PIP4P2: variants seen among roughly 807,000 people sequenced by gnomAD.
PIP4P2 encodes phosphatidylinositol-4,5-bisphosphate 4-phosphatase 2.
In PIP4P2, 19 loss-of-function variants were observed where a neutral mutation model predicts 33.3. The ratio of observed to expected loss-of-function variants is 0.57; its 90% CI spans 0.40 to 0.84. The LOEUF (loss-of-function observed/expected upper bound fraction) is 0.84, where lower values mean the gene tolerates loss of function less well. PIP4P2 is among the 40% of genes least tolerant of loss of function. The probability of loss-of-function intolerance (pLI) is 0.00; values close to 1 mark genes in which losing one functional copy is unlikely to be tolerated. For synonymous variants in PIP4P2, 110 were observed against 111.9 expected (o/e 0.98, Z 0.11); for missense variants, 270 against 324.7 (o/e 0.83, Z 1.29).
intron 4 of PIP4P2, among the ~76,000 whole-genome samples, chr8:91,009,521 T>C (rs889486280): frequency 2.0e-5 from 3 of 152,044 alleles, no homozygotes; most frequent in African/African-American, 4.8e-5. Context: ...TGCTTTTCTA[T>C]ATACTTCCTT....
chr8:91,036,768 C>A (rs1423838270), intron 1 of PIP4P2, among the ~76,000 whole-genome samples: 1 of 152,150 alleles, frequency 6.6e-6, no homozygotes, highest in African/African-American at 2.4e-5. Context: ...CCAACAATAT[C>A]CTGGATGGGC....
At position 90,995,641 on chromosome 8, in the gene PIP4P2, G is replaced by C. The variant is rs1417412804; in HGVS notation, c.*36C>G. The C allele has an allele frequency of 6.3e-7, 1 of 1,591,720 alleles. No homozygotes were observed. Among genetic ancestry groups the C allele is most frequent in the South Asian group, 1.2e-5 (1 of 86,688 alleles). On this transcript the variant is annotated 3_prime_UTR_variant, in exon 7 of 7. Coordinates refer to ENST00000285419, the MANE Select transcript of PIP4P2 (RefSeq NM_018710.3). ...CAGAGTAGCTTACCAAGAACTGCTAGACACTCTCACCTGCATTACTGAATC... is the reference window on the plus strand; with the variant it reads ...CAGAGTAGCTTACCAAGAACTGCTACACACTCTCACCTGCATTACTGAATC...
chr8:91,029,856 A>G (rs902023473), intron 1 of PIP4P2, among the ~76,000 whole-genome samples: 4 of 152,008 alleles, frequency 2.6e-5, no homozygotes, highest in African/African-American at 9.7e-5. Context: ...AGTTCCAGCT[A>G]CTCGGGAGGC....
At chr8:90,997,642 C>T (rs1234572876) in intron 5 of PIP4P2, among the ~76,000 whole-genome samples, 1 of 152,044 alleles carries the variant, frequency 6.6e-6, no homozygotes, top group Non-Finnish European at 1.5e-5. Flanking sequence ...GCACTTTCTT[C>T]TCTGTCTTAA....
chr8:91,023,757 C>T (rs1381494694), intron 1 of PIP4P2, among the ~76,000 whole-genome samples: 2 of 152,008 alleles, frequency 1.3e-5, no homozygotes, highest in African/African-American at 2.4e-5. Flanking sequence ...TGTCATAATG[C>T]CTGGTCTATG....
intron 5 of PIP4P2, among the ~76,000 whole-genome samples, chr8:90,998,928 C>A (rs1338163401): frequency 2.0e-5 from 3 of 151,966 alleles, no homozygotes; most frequent in African/African-American, 7.2e-5. Flanking sequence ...CAAATGATAT[C>A]TAATTAAACT....
At chr8:91,027,203 T>C (rs370951237) in intron 1 of PIP4P2, among the ~76,000 whole-genome samples, 28 of 152,330 alleles carry the variant, frequency 1.8e-4, no homozygotes, top group African/African-American at 6.5e-4. Context: ...AAGTTTCTCA[T>C]TGAAAGTTGG....
intron 3 of PIP4P2, among the ~76,000 whole-genome samples, chr8:91,019,432 C>A (rs4734377): frequency 7.7e-6 from 1 of 129,676 alleles, no homozygotes; most frequent in Non-Finnish European, 1.6e-5. Context: ...AAATATATTA[C>A]CTGGGAGTGG....
chr8:91,023,479 G>T (rs1361536120), intron 1 of PIP4P2, among the ~76,000 whole-genome samples: 2 of 151,654 alleles, frequency 1.3e-5, no homozygotes, highest in Non-Finnish European at 2.9e-5. Context: ...TTCAGAGGGT[G>T]ATCTTAACAA....
At chr8:90,999,284 G>A (rs993089863) in intron 5 of PIP4P2, among the ~76,000 whole-genome samples, 2 of 152,070 alleles carry the variant, frequency 1.3e-5, no homozygotes, top group Non-Finnish European at 1.5e-5. Flanking sequence ...TGAGGTTGTA[G>A]AGAGAAAGGA....
intron 5 of PIP4P2, among the ~76,000 whole-genome samples, chr8:90,997,896 C>A (rs1811649745): frequency 6.6e-6 from 1 of 152,030 alleles, no homozygotes; most frequent in Non-Finnish European, 1.5e-5. Flanking sequence ...ATTTCCAAAT[C>A]TTTTTGAAAA....
intron 1 of PIP4P2, among the ~76,000 whole-genome samples, chr8:91,040,167 C>T (rs536996496): frequency 1.3e-5 from 2 of 152,270 alleles, no homozygotes; most frequent in African/African-American, 4.8e-5. Flanking sequence ...TGAATGGTAG[C>T]AGAAGCATAT....
chr8:91,038,632 T>C (rs1041412418), intron 1 of PIP4P2, among the ~76,000 whole-genome samples: 1 of 152,206 alleles, frequency 6.6e-6, no homozygotes, highest in African/African-American at 2.4e-5. Flanking sequence ...AATAAATGAA[T>C]GAATAGTGGT....
In PIP4P2 at chr8:91,018,335, T is replaced by C. The variant is rs1563565691; in HGVS notation, c.486+55A>G. 9 of 1,612,134 alleles carry C rather than the reference T, an allele frequency of 5.6e-6. No individual in the cohort carries two copies. In the South Asian group the frequency reaches 8.8e-5, roughly 16 times the overall value. On this transcript the variant is annotated intron_variant, in intron 4 of 6. Coordinates refer to ENST00000285419, the MANE Select transcript of PIP4P2 (RefSeq NM_018710.3). ...TATAAGACTATGAGCAGTGCTCTAA[T>C]CTGTAAGATCATGACCTATATTTAC...
At chr8:91,008,816 G>A in intron 4 of PIP4P2, 21 bp from the exon 5 acceptor site, 2 of 1,579,706 alleles carry the variant, frequency 1.3e-6, no homozygotes, top group Non-Finnish European at 1.7e-6. Flanking sequence ...AACAAAGAGA[G>A]GAATTGAAAA....
Position 91,002,509 on chromosome 8 carries a change from G to A in PIP4P2, c.540-5765C>T, listed in dbSNP as rs184947111. Among the ~76,000 whole-genome samples, 251 of 152,246 alleles carry A rather than the reference G, an allele frequency of 1.6e-3. 2 individuals are homozygous for A. The highest frequency in any genetic ancestry group is 0.01 in the Middle Eastern group (3 of 294). On this transcript the variant is annotated intron_variant, in intron 5 of 6. Coordinates refer to ENST00000285419, the MANE Select transcript of PIP4P2 (RefSeq NM_018710.3). ...ACAGGAATTTATAAGGGGAAAAGGC[G>A]GCAAACAATGTTCTTTACATTACAA...
intron 5 of PIP4P2, among the ~76,000 whole-genome samples, chr8:91,000,837 A>C (rs1811689963): frequency 6.6e-6 from 1 of 151,130 alleles, no homozygotes; most frequent in South Asian, 2.1e-4. Flanking sequence ...CCCATTCTTT[A>C]TTTGTTCCTT....
chr8:91,029,671 C>G (rs1812132375), intron 1 of PIP4P2, among the ~76,000 whole-genome samples: 1 of 152,162 alleles, frequency 6.6e-6, no homozygotes, highest in Non-Finnish European at 1.5e-5. Context: ...CCCTCCTTGT[C>G]TCTCCTTATG....
At position 90,993,937 on chromosome 8, in the gene PIP4P2, A is replaced by G. The variant is rs1811594384; in HGVS notation, c.*1740T>C. On this transcript the variant is annotated 3_prime_UTR_variant, in exon 7 of 7. Coordinates refer to ENST00000285419, the MANE Select transcript of PIP4P2 (RefSeq NM_018710.3). ...GACTACCAGGGTTCTTGCTCTCATA[A>G]AGTTATTATTCCAGAAGGAATATGA... is the stretch of plus-strand genomic sequence containing the variant. 1 of 152,178 alleles carries G rather than the reference A, an allele frequency of 6.6e-6. No individual in the cohort carries two copies. Among genetic ancestry groups the G allele is most frequent in the African/African-American group, 2.4e-5 (1 of 41,456 alleles). 9.4% of individuals were successfully genotyped at this position (152,178 alleles called of 1,614,324 possible).
Sources: allele counts gnomAD v4.1 joint callset (sites outside exome capture counted in the v4.1 genomes callset), GRCh38; gene constraint gnomAD v4.1.1; transcripts MANE v1.5; gene names NCBI Gene and HGNC (gene_info 2026-07-23, HGNC 2026-07-21).